TAMM41: variants seen among roughly 807,000 people sequenced by gnomAD.
The protein encoded by TAMM41 is TAM41 mitochondrial translocator assembly and maintenance homolog, also known as phosphatidate cytidylyltransferase, mitochondrial.
In TAMM41, 36 loss-of-function variants were observed where a neutral mutation model predicts 44.1. The observed-to-expected ratio is 0.82, with a 90% CI of 0.63 to 1.08. The LOEUF (loss-of-function observed/expected upper bound fraction) is 1.08. Among genes scored for constraint, TAMM41 ranks in the 50% least tolerant of loss-of-function variants. TAMM41 has a pLI of 0.00. For missense variants in TAMM41, 417 were observed against 404.3 expected (o/e 1.03, Z -0.27); for synonymous variants, 164 against 153.1 (o/e 1.07, Z -0.53).
At chr3:11,808,259 G>T (rs1220376699) in intron 6 of TAMM41, 36 of 1,072,278 alleles carry the variant, frequency 3.4e-5, no homozygotes, top group Non-Finnish European at 4.0e-5. Context: ...AAAACCAAAT[G>T]ATTACATCTA....
chr3:11,784,855 T>C, the TAMM41 span, among the ~76,000 whole-genome samples: 1 of 143,592 alleles, frequency 7.0e-6, no homozygotes, highest in East Asian at 2.0e-4. Context: ...CAGGGTGGAG[T>C]GCAGTGGCGC....
intron 3 of TAMM41, among the ~76,000 whole-genome samples, chr3:11,835,449 A>T (rs747488515): frequency 2.6e-5 from 4 of 152,212 alleles, no homozygotes; most frequent in African/African-American, 4.8e-5. Flanking sequence ...AATCATTGCT[A>T]TCAGTAACAT....
the TAMM41 span, among the ~76,000 whole-genome samples, chr3:11,777,024 C>T: frequency 6.6e-6 from 1 of 152,170 alleles, no homozygotes; most frequent in Non-Finnish European, 1.5e-5. Context: ...TGAAAGGGTA[C>T]AAACATTCAG....
At chr3:11,756,140 C>A in the TAMM41 span, among the ~76,000 whole-genome samples, 2 of 152,216 alleles carry the variant, frequency 1.3e-5, no homozygotes, top group African/African-American at 4.8e-5. Context: ...AAGTGCTCTG[C>A]ACATAGTAGG....
At chr3:11,827,555 T>C (rs1213762866) in intron 4 of TAMM41, among the ~76,000 whole-genome samples, 1 of 148,348 alleles carries the variant, frequency 6.7e-6, no homozygotes, top group Non-Finnish European at 1.5e-5. Flanking sequence ...GTGATCTGCC[T>C]GCCTTGGCCT....
the TAMM41 span, among the ~76,000 whole-genome samples, chr3:11,732,989 G>GTTTTT: frequency 1.0e-3 from 130 of 128,422 alleles, 4 homozygotes; most frequent in African/African-American, 3.5e-3. Flanking sequence ...TATGATTTGA[G>GTTTTT]TTTTTTTTTT....
At chr3:11,811,720 G>A (rs561027452) in intron 5 of TAMM41, among the ~76,000 whole-genome samples, 2 of 152,174 alleles carry the variant, frequency 1.3e-5, no homozygotes, top group Non-Finnish European at 2.9e-5. Context: ...ATGATTCCAT[G>A]CATATGAACT....
intron 5 of TAMM41, among the ~76,000 whole-genome samples, chr3:11,811,745 A>C (rs1319727484): frequency 6.6e-6 from 1 of 152,182 alleles, no homozygotes. Context: ...AGAACAGAAA[A>C]ATTACAGAGA....
chr3:11,841,071 C>CTTTTTTTTTTTTTTTT (rs1559329571), intron 2 of TAMM41, among the ~76,000 whole-genome samples: 1 of 98,296 alleles, frequency 1.0e-5, no homozygotes, highest in African/African-American at 3.7e-5. Context: ...CAGCCCATTT[C>CTTTTTTTTTTTTTTTT]TATTTTTTTT....
chr3:11,764,457 G>T, the TAMM41 span, among the ~76,000 whole-genome samples: 1 of 145,220 alleles, frequency 6.9e-6, no homozygotes, highest in Non-Finnish European at 1.5e-5. Flanking sequence ...AGGGTAACCA[G>T]CAAGGTCCCA....
At chr3:11,803,019 C>T (rs558081619) in intron 7 of TAMM41, among the ~76,000 whole-genome samples, 2 of 152,322 alleles carry the variant, frequency 1.3e-5, no homozygotes, top group South Asian at 4.1e-4. Flanking sequence ...TACCTGTAAT[C>T]CCAGCACTTT....
chr3:11,840,575 C>G (rs1054294500), intron 2 of TAMM41, among the ~76,000 whole-genome samples: 1 of 151,918 alleles, frequency 6.6e-6, no homozygotes, highest in African/African-American at 2.4e-5. Flanking sequence ...CACAGTGAAC[C>G]GATTTTGTCC....
At chr3:11,735,901 G>A in the TAMM41 span, among the ~76,000 whole-genome samples, 1 of 152,122 alleles carries the variant, frequency 6.6e-6, no homozygotes. Context: ...AAACCACGCA[G>A]GGCCCAGCGT....
intron 7 of TAMM41, among the ~76,000 whole-genome samples, chr3:11,795,587 C>T (rs896310078): frequency 6.6e-6 from 1 of 152,132 alleles, no homozygotes; most frequent in Non-Finnish European, 1.5e-5. Flanking sequence ...GGTAGTCTTT[C>T]GGCAGTCCTA....
At chr3:11,807,300 G>C in intron 7 of TAMM41, 1 of 1,442,822 alleles carries the variant, frequency 6.9e-7, no homozygotes, top group Non-Finnish European at 9.0e-7. Flanking sequence ...AGGGATGGGA[G>C]GGTGCGTACA....
At chr3:11,729,367 C>T in the TAMM41 span, among the ~76,000 whole-genome samples, 3 of 151,638 alleles carry the variant, frequency 2.0e-5, no homozygotes, top group African/African-American at 7.3e-5. Flanking sequence ...AGAATTTGGC[C>T]GCTGCTGTCA....
At chr3:11,749,877 T>A in the TAMM41 span, among the ~76,000 whole-genome samples, 1 of 151,000 alleles carries the variant, frequency 6.6e-6, no homozygotes, top group Non-Finnish European at 1.5e-5. Context: ...AAAGGCTTCA[T>A]GGAGTGTCAA....
At chr3:11,805,003 T>G (rs1486287706) in intron 7 of TAMM41, among the ~76,000 whole-genome samples, 3 of 136,330 alleles carry the variant, frequency 2.2e-5, no homozygotes, top group African/African-American at 8.3e-5. Context: ...GCCCTTTTTT[T>G]TTTTTTTTTT....
the TAMM41 span, among the ~76,000 whole-genome samples, chr3:11,746,301 C>CAAAA: frequency 6.0e-5 from 7 of 115,862 alleles, no homozygotes; most frequent in South Asian, 5.7e-4. Context: ...GAGACTCTCT[C>CAAAA]AAAAAAAAAA....
Sources: gnomAD v4.1 joint callset for allele counts (sites outside exome capture counted in the v4.1 genomes callset) on GRCh38, gnomAD v4.1.1 for gene constraint, MANE v1.5 for transcripts, NCBI Gene and HGNC (gene_info 2026-07-23, HGNC 2026-07-21) for gene names.